TULP4: variants seen among roughly 807,000 people sequenced by gnomAD.
TULP4 encodes TUB like protein 4, also known as tubby-related protein 4.
TULP4 carries 16 observed loss-of-function variants against 129.0 expected under a neutral mutation model. That is an observed-to-expected ratio of 0.12 (90% CI 0.08 to 0.19). The LOEUF is 0.19. Ranked by LOEUF, TULP4 falls within the 10% of genes least tolerant of loss-of-function variation. TULP4 has a pLI of 1.00. For missense variants in TULP4, 1,842 were observed against 2,059.1 expected, an observed-to-expected ratio of 0.89 and a Z score of 2.04; for synonymous variants, 998 against 854.0, an observed-to-expected ratio of 1.17 and a Z score of -2.94.
intron 1 of TULP4, among the ~76,000 whole-genome samples, chr6:158,296,476 G>A (rs1007892887): frequency 5.9e-5 from 9 of 152,176 alleles, no homozygotes; most frequent in African/African-American, 1.9e-4. Context: ...AAAAGGGAAG[G>A]GGGTGTAAGA....
intron 1 of TULP4, among the ~76,000 whole-genome samples, chr6:158,357,275 A>C (rs1780671195): frequency 6.6e-6 from 1 of 152,232 alleles, no homozygotes; most frequent in South Asian, 2.1e-4. Context: ...GCATTTTTTA[A>C]TGAAACGTGA....
chr6:158,324,609 G>A (rs1330369292), intron 1 of TULP4, among the ~76,000 whole-genome samples: 1 of 152,194 alleles, frequency 6.6e-6, no homozygotes, highest in East Asian at 1.9e-4. Flanking sequence ...GATATTGTTT[G>A]CATGGATATA....
At chr6:158,470,252 ACAG>A (rs750430791) in intron 6 of TULP4, among the ~76,000 whole-genome samples, 7 of 152,232 alleles carry the variant, frequency 4.6e-5, no homozygotes, top group Non-Finnish European at 8.8e-5. Context: ...ACGGCGGCAA[ACAG>A]CAGTGGTGGA....
At position 158,503,722 on chromosome 6, in the gene TULP4, C is replaced by A. The variant is rs765529389; in HGVS notation, c.4059C>A (p.Ile1353=). 1 of 1,614,044 alleles carries A rather than the reference C, an allele frequency of 6.2e-7. No individual in the cohort carries two copies. Among genetic ancestry groups the A allele is most frequent in the Non-Finnish European group, 8.5e-7 (1 of 1,180,038 alleles). ...SRAEEGSVQA[I]TEGKVKKEAR... ...CAGAAGAAGGCAGCGTTCAGGCCAT[C>A]ACTGAGGGCAAAGTGAAGAAGGAGG... is the stretch of plus-strand genomic sequence containing the variant. The change falls in exon 13 of 14, where the codon ATC becomes ATA. Residue 1353 remains isoleucine, a synonymous_variant. Coordinates refer to ENST00000367097, the MANE Select transcript of TULP4 (RefSeq NM_020245.5). The surrounding 1 kb of genome is among the most constrained non-coding windows in gnomAD (Gnocchi z 4.3).
At chr6:158,449,203 CACTG>C in intron 4 of TULP4, 27 bp downstream of exon 4, 1 of 1,594,588 alleles carries the variant, frequency 6.3e-7, no homozygotes, top group Non-Finnish European at 8.5e-7. Flanking sequence ...CTTTCCTTGT[CACTG>C]ACCAGAAGGA....
At chr6:158,444,695 T>C (rs907314135) in intron 3 of TULP4, among the ~76,000 whole-genome samples, 1 of 152,054 alleles carries the variant, frequency 6.6e-6, no homozygotes, top group Non-Finnish European at 1.5e-5. Flanking sequence ...TGTGGCTTGG[T>C]TTATTTTAAA....
chr6:158,494,882 T>G, intron 11 of TULP4, 36 bp downstream of exon 11: 1 of 1,585,412 alleles, frequency 6.3e-7, no homozygotes, highest in Non-Finnish European at 8.7e-7. Context: ...TTGTCCCAGT[T>G]GGAACAAACT....
chr6:158,309,913 A>AGGGG (rs1779310859), upstream of TULP4, among the ~76,000 whole-genome samples: 2 of 50,030 alleles, frequency 4.0e-5, no homozygotes, highest in African/African-American at 1.7e-4. Context: ...GGGGAGAGGG[A>AGGGG]GAGGGGGAGG....
intron 2 of TULP4, among the ~76,000 whole-genome samples, chr6:158,417,401 G>A (rs899903653): frequency 6.6e-6 from 1 of 152,210 alleles, no homozygotes; most frequent in African/African-American, 2.4e-5. Flanking sequence ...TCTCATAAAT[G>A]CCTGCCTACC....
At chr6:158,381,036 G>A (rs1439531199) in intron 1 of TULP4, among the ~76,000 whole-genome samples, 1 of 151,994 alleles carries the variant, frequency 6.6e-6, no homozygotes, top group African/African-American at 2.4e-5. Context: ...TCCCATGATG[G>A]CATATGTAAG....
intron 1 of TULP4, among the ~76,000 whole-genome samples, chr6:158,318,547 G>T (rs1451683784): frequency 6.6e-6 from 1 of 152,146 alleles, no homozygotes; most frequent in Non-Finnish European, 1.5e-5. Context: ...GAAAACTCAG[G>T]CTTTAAAGAT....
intron 6 of TULP4, among the ~76,000 whole-genome samples, chr6:158,469,161 T>G (rs1424229018): frequency 6.6e-6 from 1 of 151,844 alleles, no homozygotes; most frequent in African/African-American, 2.4e-5. Flanking sequence ...AGGACAAAAA[T>G]CCAGAACGGT....
At chr6:158,311,359 C>G (rs151087656), upstream of TULP4, among the ~76,000 whole-genome samples, 2 of 151,354 alleles carry the variant, frequency 1.3e-5, no homozygotes, top group Non-Finnish European at 2.9e-5. Flanking sequence ...GAAGGACTGG[C>G]GGGGCGGGAG....
intron 1 of TULP4, among the ~76,000 whole-genome samples, chr6:158,256,014 T>TTA (rs77856722): frequency 0.17 from 26,225 of 152,094 alleles, 2,679 homozygotes; most frequent in Middle Eastern, 0.25. Flanking sequence ...GCAGAGCCTG[T>TTA]TATAGGTTTA....
At chr6:158,419,177 A>G (rs951200022) in intron 2 of TULP4, among the ~76,000 whole-genome samples, 7 of 152,258 alleles carry the variant, frequency 4.6e-5, no homozygotes, top group African/African-American at 1.2e-4. Flanking sequence ...TTCAAGAGCT[A>G]TCTCACAAAC....
chr6:158,237,621 C>G, intron 1 of TULP4: 1 of 1,423,238 alleles, frequency 7.0e-7, no homozygotes, highest in East Asian at 2.3e-5. Context: ...GCATTGGCAG[C>G]CATCTTTCTG....
intron 1 of TULP4, among the ~76,000 whole-genome samples, chr6:158,263,335 TGA>T (rs1220388062): frequency 6.6e-6 from 1 of 152,232 alleles, no homozygotes; most frequent in East Asian, 1.9e-4. Flanking sequence ...AATGGCTAAG[TGA>T]GCCTAGCCAA....
In TULP4 at chr6:158,493,572, G is replaced by T; in HGVS notation, c.1632-1G>T. 1 of 1,504,620 alleles carries T rather than the reference G, an allele frequency of 6.6e-7. No homozygotes were observed. The allele number at this position is 1,504,620 out of a possible 1,614,324, so 93.2% of individuals were successfully genotyped here. On this transcript the variant is annotated splice_acceptor_variant, in intron 9 of 13. Coordinates refer to ENST00000367097, the MANE Select transcript of TULP4 (RefSeq NM_020245.5). LOFTEE classifies it high-confidence loss of function. The surrounding 1 kb of genome is among the most constrained non-coding windows in gnomAD (Gnocchi z 4.4). The stretch of plus-strand genomic sequence containing the variant: ...GACCCCTCCTGGCCTTGCCTCCCCA[G>T]GATCAGCATTGAGGCCCGCAAGTCA...
At position 158,503,485 on chromosome 6, in the gene TULP4, C is replaced by A; in HGVS notation, c.3822C>A (p.Asn1274Lys). ...ACAGCGCCTGCCCGCCCATGCAGAACCCCCAGGGCACTCTCCCCCCAAAGC... is the reference window on the plus strand; with the variant it reads ...ACAGCGCCTGCCCGCCCATGCAGAAACCCCAGGGCACTCTCCCCCCAAAGC... ...SSYSACPPMQNPQGTLPPKPH... is the reference protein window; with the variant it reads ...SSYSACPPMQKPQGTLPPKPH... Residue 1274 changes from asparagine to lysine, a missense_variant, in exon 13 of 14, where the codon AAC becomes AAA. Around this residue, in one of 5 missense-constraint regions of TULP4, gnomAD observed 1,089 missense variants for 987.1 expected, o/e 1.10. Coordinates refer to ENST00000367097, the MANE Select transcript of TULP4 (RefSeq NM_020245.5). This position sits in a 1 kb window ranked among gnomAD's most constrained non-coding sequence, Gnocchi z 4.3. 1 of 1,613,964 alleles carries A rather than the reference C, an allele frequency of 6.2e-7. No homozygotes were observed. Among genetic ancestry groups the A allele is most frequent in the Non-Finnish European group, 8.5e-7 (1 of 1,179,994 alleles).
Sources: allele counts gnomAD v4.1 joint callset (sites outside exome capture counted in the v4.1 genomes callset), GRCh38; gene constraint gnomAD v4.1.1; regional missense constraint gnomAD v4.1.1; non-coding constraint Gnocchi (gnomAD v3.1); transcripts MANE v1.5; gene names NCBI Gene and HGNC (gene_info 2026-07-23, HGNC 2026-07-21).